Variants in ADAM10 observed in about 807,000 individuals in gnomAD.
ADAM10 encodes ADAM metallopeptidase domain 10.
A neutral mutation model predicts 90.1 loss-of-function variants in ADAM10; 17 were observed. That is an observed-to-expected ratio of 0.19 (90% CI 0.13 to 0.28). The LOEUF (loss-of-function observed/expected upper bound fraction) is 0.28. ADAM10 is among the 10% of genes least tolerant of loss of function. ADAM10 has a pLI of 1.00. For synonymous variants in ADAM10, 310 were observed against 298.6 expected, an observed-to-expected ratio of 1.04 and a Z score of -0.40; for missense variants, 610 against 914.3, an observed-to-expected ratio of 0.67 and a Z score of 4.29.
In ADAM10 at chr15:58,646,281, T is replaced by C. The variant is rs141960296; in HGVS notation, c.586-77A>G. 1.8e-3 allele frequency: 2,596 copies of C among 1,413,124 alleles called. 40 individuals are homozygous for C. The African/African-American group carries it at 0.033, about 18-fold the overall frequency. 87.5% of individuals were successfully genotyped at this position (1,413,124 alleles called of 1,614,324 possible). ...TTTATCTAATTAAGAATACATACTA[T>C]AAACAATTTCATATTCTGCTTTATA... On this transcript the variant is annotated intron_variant, in intron 5 of 15. Coordinates refer to ENST00000260408, the MANE Select transcript of ADAM10 (RefSeq NM_001110.4).
At chr15:58,737,253 G>T (rs552989222) in intron 1 of ADAM10, among the ~76,000 whole-genome samples, 54 of 152,204 alleles carry the variant, frequency 3.5e-4, no homozygotes, top group Non-Finnish European at 4.4e-5. Context: ...CTCTAAAAAT[G>T]ATTACATATA....
intron 1 of ADAM10, chr15:58,747,658 G>A (rs745377305): frequency 1.1e-4 from 16 of 151,980 alleles, no homozygotes; most frequent in Non-Finnish European, 2.4e-4. Flanking sequence ...CTTGTCTTAT[G>A]TTTTTTGAAA....
chr15:58,648,883 G>T (rs181740338), intron 5 of ADAM10, among the ~76,000 whole-genome samples: 1 of 151,764 alleles, frequency 6.6e-6, no homozygotes, highest in Non-Finnish European at 1.5e-5. Context: ...GCTGATAATA[G>T]ACATATTTTT....
At chr15:58,680,727 C>G (rs1897410750) in intron 3 of ADAM10, among the ~76,000 whole-genome samples, 1 of 152,176 alleles carries the variant, frequency 6.6e-6, no homozygotes, top group African/African-American at 2.4e-5. Flanking sequence ...TCCACAATTT[C>G]TAAGTTGTAG....
At chr15:58,666,767 A>G (rs558713736) in intron 4 of ADAM10, among the ~76,000 whole-genome samples, 1 of 152,290 alleles carries the variant, frequency 6.6e-6, no homozygotes, top group Non-Finnish European at 1.5e-5. Context: ...TTTATATATC[A>G]CGAATTAAAA....
Position 58,599,458 on chromosome 15 carries a change from A to G in ADAM10, c.2152+140T>C, listed in dbSNP as rs1595979434. 3.8e-6 allele frequency: 4 copies of G among 1,064,200 alleles called. No individual in the cohort carries two copies. The East Asian group carries it at 9.8e-5, about 26-fold the overall frequency. 65.9% of individuals were successfully genotyped at this position (1,064,200 alleles called of 1,614,324 possible). ...ATTGACAAAAAGCACACAAATATCA[A>G]CTAAATCATTCATCCAATAATCCCA... is the stretch of plus-strand genomic sequence containing the variant. On this transcript the variant is annotated intron_variant, in intron 15 of 15. Transcript: ENST00000260408.
rs1333381358 is a variant in ADAM10 at position 58,717,606 on chromosome 15, A to C, written c.177T>G (p.Phe59Leu). 3.7e-6 allele frequency: 6 copies of C among 1,613,802 alleles called. No individual in the cohort carries two copies. The highest frequency in any genetic ancestry group is 4.2e-6 in the Non-Finnish European group (5 of 1,179,944). The change falls in exon 2 of 16, where the codon TTT (phenylalanine) becomes TTG (leucine). Residue 59 changes from phenylalanine to leucine, a missense_variant. Around this residue, in one of 4 missense-constraint regions of ADAM10, gnomAD observed 310 missense variants for 362.4 expected, o/e 0.86. Transcript: ENST00000260408. ...AKRAVSHEDQ[F>L]LRLDFHAHGR... ...CATGGGCATGGAAATCTAGACGTAAAAATTGGTCTTCATGTGAGACTGCTC... is the reference window on the plus strand; with the variant it reads ...CATGGGCATGGAAATCTAGACGTAACAATTGGTCTTCATGTGAGACTGCTC...
chr15:58,744,853 C>CCAA lies in ADAM10; in HGVS notation c.55+4624_55+4626dup, dbSNP rs1350361961. Among the ~76,000 whole-genome samples the CCAA allele has an allele frequency of 3.9e-5, 6 of 151,996 alleles. No individual in the cohort carries two copies. In the Middle Eastern group the frequency reaches 0.014, roughly 345 times the overall value. ...AGTGAGACCTCATCTCTAACCAAGA[C>CCAA]CAACAACAACAACAACAAAAACACA... On this transcript the variant is annotated intron_variant, in intron 1 of 15. Coordinates refer to ENST00000260408, the MANE Select transcript of ADAM10 (RefSeq NM_001110.4).
At chr15:58,646,018 T>C (rs558373668) in intron 6 of ADAM10, 37 bp downstream of exon 6, 2 of 1,608,778 alleles carry the variant, frequency 1.2e-6, no homozygotes, top group Admixed American at 1.7e-5. Context: ...TATAAAACAA[T>C]ATGGGAACTA....
At chr15:58,606,095 C>T (rs1056523833) in intron 14 of ADAM10, among the ~76,000 whole-genome samples, 22 of 152,082 alleles carry the variant, frequency 1.4e-4, no homozygotes, top group African/African-American at 5.3e-4. Context: ...TTCAACAACG[C>T]TCACTCTCAG....
intron 1 of ADAM10, among the ~76,000 whole-genome samples, chr15:58,739,112 T>C (rs141923571): frequency 7.2e-5 from 11 of 152,324 alleles, no homozygotes; most frequent in Admixed American, 7.2e-4. Context: ...TCCTCCCTAC[T>C]AAATGGCCTA....
intron 4 of ADAM10, among the ~76,000 whole-genome samples, chr15:58,670,400 G>A (rs1192507392): frequency 6.6e-6 from 1 of 151,982 alleles, no homozygotes; most frequent in Non-Finnish European, 1.5e-5. Flanking sequence ...TAATCTTAAG[G>A]AAATAACCAT....
At chr15:58,737,827 C>A (rs545887493) in intron 1 of ADAM10, among the ~76,000 whole-genome samples, 1 of 152,026 alleles carries the variant, frequency 6.6e-6, no homozygotes, top group African/African-American at 2.4e-5. Context: ...CAAAAAAATA[C>A]GGAATGAAAA....
intron 2 of ADAM10, among the ~76,000 whole-genome samples, chr15:58,687,719 T>C (rs1288437153): frequency 3.3e-5 from 5 of 151,848 alleles, no homozygotes; most frequent in Non-Finnish European, 7.4e-5. Flanking sequence ...TAGAATTTAG[T>C]AATAAAAAGG....
chr15:58,687,600 A>C (rs1897640018), intron 2 of ADAM10, among the ~76,000 whole-genome samples: 1 of 152,136 alleles, frequency 6.6e-6, no homozygotes. Context: ...AAAAGGCTCA[A>C]AAGGGTCAAG....
At chr15:58,659,564 A>G (rs1396179945) in intron 5 of ADAM10, among the ~76,000 whole-genome samples, 1 of 152,118 alleles carries the variant, frequency 6.6e-6, no homozygotes, top group Non-Finnish European at 1.5e-5. Flanking sequence ...ACTTCATTTG[A>G]GCATAATGTG....
chr15:58,628,095 C>G (rs1234294524), intron 9 of ADAM10, among the ~76,000 whole-genome samples: 2 of 152,140 alleles, frequency 1.3e-5, no homozygotes, highest in Non-Finnish European at 2.9e-5. Flanking sequence ...CAGTGGAGGT[C>G]TAGCCATAAC....
At chr15:58,653,759 T>A (rs905978732) in intron 5 of ADAM10, among the ~76,000 whole-genome samples, 6 of 152,132 alleles carry the variant, frequency 3.9e-5, no homozygotes, top group African/African-American at 1.4e-4. Context: ...TCCTCCTCTA[T>A]TTTTTGGAAT....
At chr15:58,668,839 T>C (rs114692844) in intron 4 of ADAM10, among the ~76,000 whole-genome samples, 1 of 152,146 alleles carries the variant, frequency 6.6e-6, no homozygotes, top group Non-Finnish European at 1.5e-5. Flanking sequence ...CTATGCCTCT[T>C]TTCAAAGGTC....
Sources: allele counts gnomAD v4.1 joint callset (sites outside exome capture counted in the v4.1 genomes callset), GRCh38; gene constraint gnomAD v4.1.1; regional missense constraint gnomAD v4.1.1; transcripts MANE v1.5; gene names NCBI Gene and HGNC (gene_info 2026-07-23, HGNC 2026-07-21).